Variants in TTC21A observed in about 807,000 individuals in gnomAD.
TTC21A encodes tetratricopeptide repeat domain 21A.
A neutral mutation model predicts 156.4 loss-of-function variants in TTC21A; 128 were observed. The observed-to-expected ratio is 0.82, with a 90% confidence interval of 0.71 to 0.95. The LOEUF is 0.95. Ranked by LOEUF, TTC21A falls within the 40% of genes least tolerant of loss-of-function variation. The probability of loss-of-function intolerance (pLI) is 0.00; values close to 1 mark genes in which losing one functional copy is unlikely to be tolerated. For synonymous variants in TTC21A, 587 were observed against 617.1 expected (o/e 0.95, Z 0.72); for missense variants, 1,435 against 1,602.3 (o/e 0.90, Z 1.78).
chr3:39,112,457 G>C lies in TTC21A; in HGVS notation c.436-1G>C. On this transcript the variant is annotated splice_acceptor_variant, in intron 4 of 28. Coordinates refer to ENST00000683103, the MANE Select transcript of TTC21A (RefSeq NM_001366900.1). LOFTEE classifies it high-confidence loss of function. ...CATCTTTCATCTTGTTCTCATCCCA[G>C]GCCTATGTGCTCAGAGGCTGGGTGG... is the stretch of plus-strand genomic sequence containing the variant. The C allele has an allele frequency of 6.2e-7, 1 of 1,614,076 alleles. No homozygotes were observed. The highest frequency in any genetic ancestry group is 8.5e-7 in the Non-Finnish European group (1 of 1,179,974).
At chr3:39,117,500 C>T (rs1370297715) in intron 6 of TTC21A, among the ~76,000 whole-genome samples, 1 of 152,236 alleles carries the variant, frequency 6.6e-6, no homozygotes, top group Non-Finnish European at 1.5e-5. Flanking sequence ...TTCCATCTTA[C>T]AGTGACTGCC....
At chr3:39,110,207 A>G (rs2036689891) in intron 3 of TTC21A, 68 bp downstream of exon 3, 1 of 1,236,320 alleles carries the variant, frequency 8.1e-7, no homozygotes, top group East Asian at 2.3e-5. Flanking sequence ...CAGAGATAAC[A>G]CAGCCCCTCA....
Position 39,134,869 on chromosome 3 carries a change from C to A in TTC21A, c.2863-224C>A. The A allele has an allele frequency of 1.7e-6, 1 of 597,200 alleles. No homozygotes were observed. The highest frequency in any genetic ancestry group is 3.0e-6 in the Non-Finnish European group (1 of 335,082). 37.0% of individuals were successfully genotyped at this position (597,200 alleles called of 1,614,324 possible). Reference sequence around the variant, plus strand: ...TCCCATGTACATCCTCAACCCAACTCTTCTTGCCCCTCACCTTGGGAAGTC... The same window carrying A: ...TCCCATGTACATCCTCAACCCAACTATTCTTGCCCCTCACCTTGGGAAGTC... On this transcript the variant is annotated intron_variant, in intron 21 of 28. Transcript: ENST00000683103. The surrounding 1 kb of genome is among the most constrained non-coding windows in gnomAD (Gnocchi z 4.6).
chr3:39,138,782 G>A lies in TTC21A; in HGVS notation c.3936G>A (p.Arg1312=). The change falls in exon 29 of 29, where the codon AGG becomes AGA. Residue 1312 remains arginine (R), a synonymous_variant. Transcript: ENST00000683103. The stretch of plus-strand genomic sequence containing the variant: ...TGGAAAAGGCCCGAAGGTCCCTGAG[G>A]CCCTAGCTGGGGTCAAGGGGCCTGG... ...EILEKARRSL[R]P 6.2e-7 allele frequency: 1 copy of A among 1,613,912 alleles called. No homozygotes were observed.
At position 39,134,802 on chromosome 3, in the gene TTC21A, G is replaced by T; in HGVS notation, c.2863-291G>T. On this transcript the variant is annotated intron_variant, in intron 21 of 28. Transcript: ENST00000683103. This position sits in a 1 kb window ranked among gnomAD's most constrained non-coding sequence, Gnocchi z 4.6. ...ATGGGTGGAGAGGCTTCCCCTGTAG[G>T]CTGTCAAAAAGCCCCACTGGTCTCT... 1 of 541,290 alleles carries T rather than the reference G, an allele frequency of 1.8e-6. No homozygotes were observed. The highest frequency in any genetic ancestry group is 3.3e-6 in the Non-Finnish European group (1 of 300,374). The allele number at this position is 541,290 out of a possible 1,614,324, so 33.5% of individuals were successfully genotyped here.
Position 39,109,116 on chromosome 3 carries a change from A to T in TTC21A, c.59A>T (p.Tyr20Phe). The T allele has an allele frequency of 6.2e-7, 1 of 1,614,176 alleles. No individual in the cohort carries two copies. Among genetic ancestry groups the T allele is most frequent in the Non-Finnish European group, 8.5e-7 (1 of 1,179,976 alleles). ...AGIIYYSQEK[Y>F]FHHVQQAAAV... ...ATCATTTACTATAGCCAGGAAAAGT[A>T]CTTCCACCATGTGCAGCAGGCTGCA... Residue 20 changes from tyrosine (Y) to phenylalanine (F), a missense_variant, in exon 2 of 29, where the codon TAC becomes TTC. Physicochemically the swap from Tyr to Phe is conservative, Grantham distance 22. Coordinates refer to ENST00000683103, the MANE Select transcript of TTC21A (RefSeq NM_001366900.1).
intron 1 of TTC21A, among the ~76,000 whole-genome samples, chr3:39,108,812 A>G (rs536742889): frequency 1.3e-5 from 2 of 152,296 alleles, no homozygotes; most frequent in East Asian, 3.9e-4. Flanking sequence ...TCCTAAGACA[A>G]AGCCTTGGTT....
intron 5 of TTC21A, 146 bp from the exon 6 acceptor site, chr3:39,114,439 G>GCTA: frequency 1.4e-6 from 1 of 733,178 alleles, no homozygotes; most frequent in South Asian, 1.6e-5. Context: ...ACTTTGAGGG[G>GCTA]CTACTGGCCC....
chr3:39,110,319 TC>T (rs1174377231), intron 3 of TTC21A, 180 bp downstream of exon 3: 1 of 663,382 alleles, frequency 1.5e-6, no homozygotes, highest in Non-Finnish European at 2.7e-6. Context: ...GGGAGAAGAC[TC>T]CATGCCTGGG....
chr3:39,112,394 G>T (rs1481882002), intron 4 of TTC21A, 64 bp from the exon 5 acceptor site: 1 of 1,576,244 alleles, frequency 6.3e-7, no homozygotes, highest in Non-Finnish European at 8.7e-7. Flanking sequence ...TGTGGATCAT[G>T]TGCAGGCTGA....
chr3:39,137,741 G>T (rs769909266), intron 26 of TTC21A, 31 bp downstream of exon 26: 1 of 1,584,896 alleles, frequency 6.3e-7, no homozygotes, highest in South Asian at 1.1e-5. Flanking sequence ...TAGGGCTGCG[G>T]GATGGCGGAA....
intron 12 of TTC21A, among the ~76,000 whole-genome samples, chr3:39,127,313 T>C (rs1415296001): frequency 6.6e-6 from 1 of 152,222 alleles, no homozygotes; most frequent in African/African-American, 2.4e-5. Context: ...CTTCTGGCAT[T>C]GCATCGTGTG....
At position 39,126,266 on chromosome 3, in the gene TTC21A, G is replaced by A. The variant is rs1310352887; in HGVS notation, c.1398G>A (p.Arg466=). The A allele has an allele frequency of 6.2e-7, 1 of 1,614,026 alleles. No homozygotes were observed. Among genetic ancestry groups the A allele is most frequent in the African/African-American group, 1.3e-5 (1 of 74,954 alleles). ...CCACCGCCGTGTTCCCACAGCCCAG[G>A]TTACCAGGCCAGATCGTGTCTCCAC... is the stretch of plus-strand genomic sequence containing the variant. ...EYLLFCPKQP[R]LPGQIVSPLL... Residue 466 remains arginine (R), a synonymous_variant, in exon 12 of 29, where the codon AGG becomes AGA. Transcript: ENST00000683103.
Position 39,138,854 on chromosome 3 carries a change from A to G in TTC21A, c.*66A>G, listed in dbSNP as rs1161468518. On this transcript the variant is annotated 3_prime_UTR_variant, in exon 29 of 29. Transcript: ENST00000683103. ...ACTGAAGTTGTGTGGAGGGATGGAA[A>G]GTGGGTCAGTGGAGAAGGGATTCAG... 4.5e-6 allele frequency: 6 copies of G among 1,341,452 alleles called. No homozygotes were observed. In the East Asian group the frequency reaches 1.4e-4, roughly 31 times the overall value. 83.1% of individuals were successfully genotyped at this position (1,341,452 alleles called of 1,614,324 possible). A position where few individuals can be genotyped will look rare whatever the true frequency, so the allele number is the denominator to read the frequency against.
intron 19 of TTC21A, chr3:39,131,382 C>T (rs1450496842): frequency 6.6e-6 from 2 of 304,242 alleles, no homozygotes; most frequent in Non-Finnish European, 6.2e-6. Context: ...ATGACAATAG[C>T]TCCCATGCAT....
In TTC21A at chr3:39,111,025, C is replaced by T. The variant is rs781038779; in HGVS notation, c.435+8C>T. Reference sequence around the variant, plus strand: ...TCTAGAGGCTTCAGAGAGGTACTTACCACACCATGGGGACAACAGGCGAAG... The same window carrying T: ...TCTAGAGGCTTCAGAGAGGTACTTATCACACCATGGGGACAACAGGCGAAG... On this transcript the variant is annotated splice_region_variant and intron_variant, in intron 4 of 28. Coordinates refer to ENST00000683103, the MANE Select transcript of TTC21A (RefSeq NM_001366900.1). 2 of 1,594,682 alleles carry T rather than the reference C, an allele frequency of 1.3e-6. No homozygotes were observed. The highest frequency in any genetic ancestry group is 1.1e-5 in the South Asian group (1 of 90,106).
Position 39,133,251 on chromosome 3 carries a change from C to T in TTC21A, c.2751+11C>T, listed in dbSNP as rs1277905211. 6.2e-7 allele frequency: 1 copy of T among 1,609,644 alleles called. No individual in the cohort carries two copies. Among genetic ancestry groups the T allele is most frequent in the African/African-American group, 1.3e-5 (1 of 74,734 alleles). On this transcript the variant is annotated intron_variant, in intron 20 of 28. Transcript: ENST00000683103. ...CCAACTGACAATAAGGTGAGTGGCC[C>T]TCAAAGCAAGAGGCTGCTTTCTCCC...
chr3:39,131,698 AG>A (rs2038740465), intron 19 of TTC21A: 1 of 152,314 alleles, frequency 6.6e-6, no homozygotes. Context: ...AGTGCAGTGC[AG>A]GGCATCACAT....
chr3:39,132,509 C>T (rs759909863), intron 19 of TTC21A, among the ~76,000 whole-genome samples: 5 of 152,222 alleles, frequency 3.3e-5, no homozygotes, highest in African/African-American at 4.8e-5. Context: ...CCCTTGTTTA[C>T]CACTGGATTC....
Sources: gnomAD v4.1 joint callset for allele counts (sites outside exome capture counted in the v4.1 genomes callset) on GRCh38, gnomAD v4.1.1 for gene constraint, Gnocchi (gnomAD v3.1) non-coding constraint, MANE v1.5 for transcripts, NCBI Gene and HGNC (gene_info 2026-07-23, HGNC 2026-07-21) for gene names.